DOCK9: variants seen among roughly 807,000 people sequenced by gnomAD.
The protein encoded by DOCK9 is dedicator of cytokinesis protein 9.
A neutral mutation model predicts 263.3 loss-of-function variants in DOCK9; 89 were observed. The observed-to-expected ratio is 0.34, with a 90% CI of 0.28 to 0.40. DOCK9 has a LOEUF of 0.40. DOCK9 is among the 10% of genes least tolerant of loss of function. The pLI, the probability that DOCK9 is intolerant of heterozygous loss-of-function variation, is 1.00. For missense variants in DOCK9, 2,140 were observed against 2,603.4 expected (o/e 0.82, Z 3.87); for synonymous variants, 976 against 973.1 (o/e 1.00, Z -0.06).
chr13:98,848,627 G>A lies in DOCK9; in HGVS notation c.4026C>T (p.His1342=), dbSNP rs2141434546. The A allele has an allele frequency of 1.2e-6, 2 of 1,612,564 alleles. No homozygotes were observed. Among genetic ancestry groups the A allele is most frequent in the East Asian group, 4.5e-5 (2 of 44,872 alleles). Residue 1342 remains histidine, a synonymous_variant, in exon 37 of 53, where the codon CAC becomes CAT. Coordinates refer to ENST00000682017, the MANE Select transcript of DOCK9 (RefSeq NM_001366683.2). ...DFFTISEVCL[H]QFQYMGKRYI... ...ATCGCTTCCCCATGTACTGGAACTG[G>A]TGCAGGCAGACTCTGCAGGCAAGAT...
At chr13:98,938,386 A>G (rs557255157) in intron 2 of DOCK9, among the ~76,000 whole-genome samples, 1 of 152,270 alleles carries the variant, frequency 6.6e-6, no homozygotes, top group African/African-American at 2.4e-5. Flanking sequence ...GTCTTCTAGG[A>G]TCTCTAGGTT....
rs1177569993 is a variant in DOCK9 at position 98,825,785 on chromosome 13, A to C, written c.5023+1045T>G. 1 of 885,184 alleles carries C rather than the reference A, an allele frequency of 1.1e-6. No homozygotes were observed. The highest frequency in any genetic ancestry group is 1.6e-6 in the Non-Finnish European group (1 of 624,994). 54.8% of individuals were successfully genotyped at this position (885,184 alleles called of 1,614,324 possible). On this transcript the variant is annotated intron_variant, in intron 44 of 52. Coordinates refer to ENST00000682017, the MANE Select transcript of DOCK9 (RefSeq NM_001366683.2). The surrounding 1 kb of genome is among the most constrained non-coding windows in gnomAD (Gnocchi z 4.1). Reference sequence around the variant, plus strand: ...GAAGGAGAGTGAAGTCTGTCCATGCAAAGTTAAAAGGGCAAATCCCCCACC... The same window carrying C: ...GAAGGAGAGTGAAGTCTGTCCATGCCAAGTTAAAAGGGCAAATCCCCCACC...
At chr13:98,934,374 G>A (rs1293727578) in intron 2 of DOCK9, among the ~76,000 whole-genome samples, 2 of 152,230 alleles carry the variant, frequency 1.3e-5, no homozygotes, top group African/African-American at 4.8e-5. Flanking sequence ...CTCGGCCATT[G>A]CAGGCGAGAT....
At chr13:98,826,920 A>T (rs777669672) in intron 43 of DOCK9, 33 bp from the exon 44 acceptor site, 40 of 1,558,342 alleles carry the variant, frequency 2.6e-5, no homozygotes, top group Non-Finnish European at 3.4e-5. Flanking sequence ...CAGAATCATC[A>T]TTCATAACAG....
chr13:99,026,890 TGCAGAGTACCTCTAACAGAGTACTCTA>T (rs574438834), intron 1 of DOCK9, among the ~76,000 whole-genome samples: 3 of 152,308 alleles, frequency 2.0e-5, no homozygotes, highest in Admixed American at 6.5e-5. Context: ...AAGAGCACAG[TGCAGAGTACCTCTAACAGAGTACTCTA>T]GCAGAGTACC....
At chr13:98,872,199 T>C (rs1169068673) in intron 27 of DOCK9, among the ~76,000 whole-genome samples, 1 of 152,228 alleles carries the variant, frequency 6.6e-6, no homozygotes, top group Non-Finnish European at 1.5e-5. Context: ...CTCTTCTCTA[T>C]GGGCTATTTT....
At chr13:99,073,315 CTCTCTCTCT>C (rs1012123991) in intron 1 of DOCK9, among the ~76,000 whole-genome samples, 23 of 151,986 alleles carry the variant, frequency 1.5e-4, no homozygotes, top group African/African-American at 5.3e-4. Flanking sequence ...CATTCTCTCT[CTCTCTCTCT>C]TCTCTCTCTT....
intron 1 of DOCK9, among the ~76,000 whole-genome samples, chr13:98,966,947 C>T (rs990159331): frequency 7.9e-5 from 12 of 152,212 alleles, no homozygotes; most frequent in Admixed American, 6.5e-4. Context: ...CACATTCACC[C>T]CAGGCCCACG....
Position 98,809,428 on chromosome 13 carries a change from T to G in DOCK9, c.5291A>C (p.Tyr1764Ser). The G allele has an allele frequency of 6.2e-7, 1 of 1,613,172 alleles. No homozygotes were observed. The highest frequency in any genetic ancestry group is 8.5e-7 in the Non-Finnish European group (1 of 1,179,598). Residue 1764 changes from tyrosine to serine, a missense_variant, in exon 47 of 53, where the codon TAC becomes TCC. Around this residue, in one of 2 missense-constraint regions of DOCK9, gnomAD observed 619 missense variants for 861.8 expected, o/e 0.72. Coordinates refer to ENST00000682017, the MANE Select transcript of DOCK9 (RefSeq NM_001366683.2). ...AHLYDTLHRAYSKVTEVMHSG... is the reference protein window; with the variant it reads ...AHLYDTLHRASSKVTEVMHSG... Reference sequence around the variant, plus strand: ...GTGCATGACCTCGGTCACTTTGCTGTAGGCCCGGTGCAGCGTGTCATACAG... The same window carrying G: ...GTGCATGACCTCGGTCACTTTGCTGGAGGCCCGGTGCAGCGTGTCATACAG...
chr13:98,894,537 T>A lies in DOCK9; in HGVS notation c.1709+2951A>T, dbSNP rs988270634. Among the ~76,000 whole-genome samples, 7 of 152,144 alleles carry A rather than the reference T, an allele frequency of 4.6e-5. 1 individual carries two copies. The highest frequency in any genetic ancestry group is 1.4e-4 in the African/African-American group (6 of 41,434). ...TTTCTTCCTTAATAATATAGTGTAT[T>A]CACTTTCCTAAGTACACGCAGACCC... is the stretch of plus-strand genomic sequence containing the variant. On this transcript the variant is annotated intron_variant, in intron 15 of 52. Transcript: ENST00000682017.
intron 1 of DOCK9, among the ~76,000 whole-genome samples, chr13:98,992,581 C>T (rs55732664): frequency 6.6e-6 from 1 of 152,148 alleles, no homozygotes; most frequent in Non-Finnish European, 1.5e-5. Context: ...CCCTGCTGTT[C>T]TCATGAGTAA....
rs1326863300 is a variant in DOCK9 at position 98,826,795 on chromosome 13, A to G, written c.5023+35T>C. ...CTGCTGCTTTGTGTGGTTTTATACT[A>G]ATTAATTTCACAAAACATGAGAATA... On this transcript the variant is annotated intron_variant, in intron 44 of 52. Coordinates refer to ENST00000682017, the MANE Select transcript of DOCK9 (RefSeq NM_001366683.2). 7 of 1,543,940 alleles carry G rather than the reference A, an allele frequency of 4.5e-6. No homozygotes were observed. In the Admixed American group the frequency reaches 5.5e-5, roughly 12 times the overall value.
At chr13:98,939,638 G>A (rs2055491010) in intron 2 of DOCK9, among the ~76,000 whole-genome samples, 1 of 152,204 alleles carries the variant, frequency 6.6e-6, no homozygotes, top group Non-Finnish European at 1.5e-5. Flanking sequence ...GGACCTGGAT[G>A]CAGCCAAAAA....
intron 34 of DOCK9, chr13:98,854,880 T>C (rs946077737): frequency 1.3e-5 from 2 of 152,192 alleles, no homozygotes; most frequent in African/African-American, 2.4e-5. Context: ...GACAAGATTA[T>C]AAACCTGATG....
At chr13:98,878,649 G>T (rs865806260) in intron 27 of DOCK9, among the ~76,000 whole-genome samples, 4 of 152,358 alleles carry the variant, frequency 2.6e-5, no homozygotes, top group Admixed American at 2.0e-4. Flanking sequence ...GCATTTCTCT[G>T]TAGAAGGCAG....
chr13:99,036,482 G>A (rs1027005140), intron 1 of DOCK9, among the ~76,000 whole-genome samples: 1 of 152,130 alleles, frequency 6.6e-6, no homozygotes, highest in East Asian at 1.9e-4. Context: ...TCGAACTTCT[G>A]GCCTCCAGAA....
At chr13:98,931,284 A>T (rs2053879720) in intron 2 of DOCK9, among the ~76,000 whole-genome samples, 1 of 132,166 alleles carries the variant, frequency 7.6e-6, no homozygotes, top group Admixed American at 8.2e-5. Flanking sequence ...TTTCTTTTTA[A>T]TTTTTTTATT....
intron 1 of DOCK9, among the ~76,000 whole-genome samples, chr13:99,078,233 G>A (rs1176231155): frequency 6.6e-6 from 1 of 152,136 alleles, no homozygotes; most frequent in East Asian, 1.9e-4. Flanking sequence ...AATCAGAACT[G>A]AGATAAAACT....
intron 49 of DOCK9, among the ~76,000 whole-genome samples, chr13:98,801,966 T>C (rs1157862381): frequency 1.3e-5 from 2 of 152,238 alleles, no homozygotes; most frequent in African/African-American, 2.4e-5. Context: ...CCGACTTGGT[T>C]TCACAGATTT....
Sources: gnomAD v4.1 joint callset for allele counts (sites outside exome capture counted in the v4.1 genomes callset) on GRCh38, gnomAD v4.1.1 for gene constraint, gnomAD v4.1.1 regional missense constraint, Gnocchi (gnomAD v3.1) non-coding constraint, MANE v1.5 for transcripts, NCBI Gene and HGNC (gene_info 2026-07-23, HGNC 2026-07-21) for gene names.